RUBCN: variants seen among roughly 807,000 people sequenced by gnomAD.
The protein encoded by RUBCN is rubicon autophagy regulator.
In RUBCN, 74 loss-of-function variants were observed where a neutral mutation model predicts 113.2. The observed-to-expected ratio is 0.65, with a 90% CI of 0.54 to 0.79. The LOEUF is 0.79. Among genes scored for constraint, RUBCN ranks in the 30% least tolerant of loss-of-function variants. The pLI is 0.00. For missense variants in RUBCN, 1,109 were observed against 1,251.7 expected (o/e 0.89, Z 1.72); for synonymous variants, 480 against 490.0 (o/e 0.98, Z 0.27).
chr3:197,686,707 TAAG>T (rs1267326388), intron 11 of RUBCN, among the ~76,000 whole-genome samples: 4 of 152,314 alleles, frequency 2.6e-5, no homozygotes, highest in South Asian at 2.1e-4. Context: ...TGAGAGCACT[TAAG>T]AAGGAGGTCC....
rs1721457068 is a variant in RUBCN, at chr3:197,683,241, C to T, written c.1980+66G>A. 6.9e-6 allele frequency: 11 copies of T among 1,602,868 alleles called. No homozygotes were observed. Among genetic ancestry groups the T allele is most frequent in the South Asian group, 6.6e-5 (6 of 90,778 alleles). On this transcript the variant is annotated intron_variant, in intron 13 of 19. Transcript: ENST00000296343. The surrounding 1 kb of genome is among the most constrained non-coding windows in gnomAD (Gnocchi z 4.6). ...CTCATTCCAGACTAGGGACATGTGA[C>T]GAAGGAAAACAAGGTCACAGAGGCT...
At chr3:197,678,154 A>G (rs56377464) in intron 16 of RUBCN, among the ~76,000 whole-genome samples, 2 of 98,742 alleles carry the variant, frequency 2.0e-5, no homozygotes, top group Non-Finnish European at 3.8e-5. Flanking sequence ...ACTGTCCCAC[A>G]CTCTGACAGC....
intron 1 of RUBCN, among the ~76,000 whole-genome samples, chr3:197,722,958 T>C (rs1726331577): frequency 6.6e-6 from 1 of 152,128 alleles, no homozygotes; most frequent in Non-Finnish European, 1.5e-5. Context: ...CCCATTTACA[T>C]TTAAGGTAAT....
rs1206678852 is a variant in RUBCN at position 197,675,127 on chromosome 3, G to A, written c.2810C>T (p.Ala937Val). The part of the protein sequence containing the change: ...GSCPRCERLQ[A>V]RREALARQSL... ...CTGCCTGGCCAGTGCCTCCCGCCGG[G>A]CCTGCAGCCGCTCGCAGCGCGGACA... is the stretch of plus-strand genomic sequence containing the variant. Residue 937 changes from alanine to valine, a missense_variant, in exon 20 of 20, where the codon GCC becomes GTC. Ala to Val is a moderately conservative substitution (Grantham distance 64). Transcript: ENST00000296343. This position sits in a 1 kb window ranked among gnomAD's most constrained non-coding sequence, Gnocchi z 4.4. 2 of 1,613,876 alleles carry A rather than the reference G, an allele frequency of 1.2e-6. No homozygotes were observed. Among genetic ancestry groups the A allele is most frequent in the East Asian group, 2.2e-5 (1 of 44,888 alleles).
chr3:197,736,585 G>A, intron 1 of RUBCN, 70 bp downstream of exon 1: 2 of 1,416,488 alleles, frequency 1.4e-6, no homozygotes, highest in Non-Finnish European at 1.9e-6. Context: ...CCGTGACCCC[G>A]CGCCCTCCCA....
chr3:197,688,398 T>C lies in RUBCN; in HGVS notation c.1787-4181A>G, dbSNP rs368617116. On this transcript the variant is annotated intron_variant, in intron 11 of 19. Transcript: ENST00000296343. The stretch of plus-strand genomic sequence containing the variant: ...CGGGATGACAGGCTGAGCCACCACG[T>C]GAGGCTTCTCCTGTGTACTCTTGAG... 7.9e-5 allele frequency among the ~76,000 whole-genome samples: 12 copies of C among 152,292 alleles called. No homozygotes were observed. The East Asian group carries it at 1.5e-3, about 20-fold the overall frequency.
intron 3 of RUBCN, 66 bp from the exon 4 acceptor site, chr3:197,704,767 T>A: frequency 1.3e-6 from 2 of 1,514,100 alleles, no homozygotes; most frequent in Non-Finnish European, 9.2e-7. Flanking sequence ...TGAGGCCTAA[T>A]GACCTGAGAA....
At chr3:197,694,624 A>G (rs748008293) in intron 9 of RUBCN, 39 bp from the exon 10 acceptor site, 1 of 1,542,948 alleles carries the variant, frequency 6.5e-7, no homozygotes, top group Admixed American at 1.7e-5. Context: ...AAGGGTTAGA[A>G]GTATTGAATG....
In RUBCN at chr3:197,675,053, G is replaced by C; in HGVS notation, c.2884C>G (p.Leu962Val). ...SDYEEEPAEA[L>V]ALEAAVLEAT ...TCCAGGACGGCGGCTTCCAGGGCCA[G>C]CGCTTCCGCGGGCTCCTCCTCGTAG... The change falls in exon 20 of 20, where the codon CTG (leucine) becomes GTG (valine). Residue 962 changes from leucine (L) to valine (V), a missense_variant. Transcript: ENST00000296343. This position sits in a 1 kb window ranked among gnomAD's most constrained non-coding sequence, Gnocchi z 4.4. 1 of 1,613,100 alleles carries C rather than the reference G, an allele frequency of 6.2e-7. No homozygotes were observed. The highest frequency in any genetic ancestry group is 1.1e-5 in the South Asian group (1 of 91,070).
intron 1 of RUBCN, among the ~76,000 whole-genome samples, chr3:197,745,484 G>A (rs1357516414): frequency 2.0e-5 from 3 of 148,970 alleles, no homozygotes; most frequent in Non-Finnish European, 4.5e-5. Flanking sequence ...GCATGGTGGC[G>A]CATGCCTGAA....
rs1296077247 is a variant in RUBCN, at chr3:197,694,565, G to A, written c.1494C>T (p.Ile498=). Residue 498 remains isoleucine, a synonymous_variant, in exon 10 of 20, where the codon ATC becomes ATT. Transcript: ENST00000296343. ...DLEKENAHFS[I]SESLIAAIEL... ...CGATGGCAGCAATTAAGGACTCTGA[G>A]ATGCTGAAGTGGGCATTCTCCTGGC... 2 of 1,614,204 alleles carry A rather than the reference G, an allele frequency of 1.2e-6. No individual in the cohort carries two copies. Among genetic ancestry groups the A allele is most frequent in the Non-Finnish European group, 8.5e-7 (1 of 1,180,026 alleles).
chr3:197,677,655 C>T, intron 16 of RUBCN, 114 bp from the exon 17 acceptor site: 2 of 874,062 alleles, frequency 2.3e-6, no homozygotes, highest in Non-Finnish European at 3.8e-6. Context: ...CATGCTGCAC[C>T]CAGAGCAGAC....
At position 197,670,379 on chromosome 3, in the gene RUBCN, T is replaced by C. The variant is rs1580108175; in HGVS notation, c.*4639A>G. On this transcript the variant is annotated 3_prime_UTR_variant, in exon 20 of 20. Coordinates refer to ENST00000296343, the MANE Select transcript of RUBCN (RefSeq NM_014687.4). ...ATAGATGTTTGGGATTGACGGATGA[T>C]TGAATGAATAAATAAATGCTGGGCT... Among the ~76,000 whole-genome samples, 1 of 152,230 alleles carries C rather than the reference T, an allele frequency of 6.6e-6. No individual in the cohort carries two copies. The highest frequency in any genetic ancestry group is 2.4e-5 in the African/African-American group (1 of 41,468).
intron 1 of RUBCN, among the ~76,000 whole-genome samples, chr3:197,719,167 C>T (rs1241174623): frequency 1.3e-5 from 2 of 152,062 alleles, no homozygotes; most frequent in Non-Finnish European, 2.9e-5. Context: ...ACTGATCTTA[C>T]AAGGTTAACT....
chr3:197,678,295 CA>C (rs1440348904), intron 16 of RUBCN, among the ~76,000 whole-genome samples: 2 of 152,054 alleles, frequency 1.3e-5, no homozygotes, highest in Non-Finnish European at 2.9e-5. Flanking sequence ...TATGCTCTGA[CA>C]ACTGGCTTCA....
At chr3:197,719,068 GC>G (rs1175991919) in intron 1 of RUBCN, among the ~76,000 whole-genome samples, 1 of 152,114 alleles carries the variant, frequency 6.6e-6, no homozygotes, top group Non-Finnish European at 1.5e-5. Context: ...TTTCCCATGT[GC>G]CAACAGGTTA....
intron 2 of RUBCN, among the ~76,000 whole-genome samples, chr3:197,709,623 G>C (rs923506034): frequency 6.6e-6 from 1 of 151,882 alleles, no homozygotes; most frequent in Admixed American, 6.6e-5. Flanking sequence ...CAGGTGATCC[G>C]CCTGCCTCGG....
rs970284535 is a variant in RUBCN at position 197,705,087 on chromosome 3, C to T, written c.303+5G>A. 1.2e-6 allele frequency: 2 copies of T among 1,612,306 alleles called. No homozygotes were observed. Among genetic ancestry groups the T allele is most frequent in the South Asian group, 1.1e-5 (1 of 90,800 alleles). ...CCAGCACAGCCGCTCTGCTCTCACT[C>T]TTACCTTCTCCACGTGAAGGGCTGA... On this transcript the variant is annotated splice_donor_5th_base_variant and intron_variant, in intron 3 of 19. Coordinates refer to ENST00000296343, the MANE Select transcript of RUBCN (RefSeq NM_014687.4).
rs1165922237 is a variant in RUBCN at position 197,683,424 on chromosome 3, C to T, written c.1863G>A (p.Leu621=). 3 of 1,614,136 alleles carry T rather than the reference C, an allele frequency of 1.9e-6. No individual in the cohort carries two copies. Among genetic ancestry groups the T allele is most frequent in the Non-Finnish European group, 2.5e-6 (3 of 1,180,034 alleles). Residue 621 remains leucine (L), a synonymous_variant, in exon 13 of 20, where the codon CTG becomes CTA. Coordinates refer to ENST00000296343, the MANE Select transcript of RUBCN (RefSeq NM_014687.4). The surrounding 1 kb of genome is among the most constrained non-coding windows in gnomAD (Gnocchi z 4.6). Reference sequence around the variant, plus strand: ...CCACCGCCTCAGCAGACGTGGAGTGCAGGAAGCAGTGGGAGCTGGAAAGGG... The same window carrying T: ...CCACCGCCTCAGCAGACGTGGAGTGTAGGAAGCAGTGGGAGCTGGAAAGGG... ...VSSQSFSHCF[L]HSTSAEAVAM...
Sources: gnomAD v4.1 joint callset for allele counts (sites outside exome capture counted in the v4.1 genomes callset) on GRCh38, gnomAD v4.1.1 for gene constraint, Gnocchi (gnomAD v3.1) non-coding constraint, MANE v1.5 for transcripts, NCBI Gene and HGNC (gene_info 2026-07-23, HGNC 2026-07-21) for gene names.